APBB2: variants seen among roughly 807,000 people sequenced by gnomAD.
The protein encoded by APBB2 is Fe65-like 1.
A neutral mutation model predicts 82.5 loss-of-function variants in APBB2; 38 were observed. That is an observed-to-expected ratio of 0.46 (90% confidence interval 0.36 to 0.60). The LOEUF (loss-of-function observed/expected upper bound fraction) is 0.60, where lower values mean the gene tolerates loss of function less well. APBB2 is among the 20% of genes least tolerant of loss of function. The pLI is 0.00. For missense variants in APBB2, 772 were observed against 972.3 expected (o/e 0.79, Z 2.74); for synonymous variants, 341 against 368.2 (o/e 0.93, Z 0.85).
chr4:40,819,943 C>T (rs1039800380), intron 17 of APBB2, among the ~76,000 whole-genome samples: 4 of 152,216 alleles, frequency 2.6e-5, no homozygotes, highest in African/African-American at 9.7e-5. Context: ...TCCTCAGAAG[C>T]TGGGACTACA....
intron 2 of APBB2, among the ~76,000 whole-genome samples, chr4:41,120,105 T>C (rs943125867): frequency 2.0e-5 from 3 of 152,292 alleles, no homozygotes; most frequent in African/African-American, 7.2e-5. Context: ...AATCCACGAC[T>C]AGTGACTCTG....
At chr4:41,097,661 C>T (rs1743976338) in intron 3 of APBB2, among the ~76,000 whole-genome samples, 1 of 152,108 alleles carries the variant, frequency 6.6e-6, no homozygotes, top group Admixed American at 6.6e-5. Flanking sequence ...ATTTTACTTC[C>T]TTTAAAACAA....
chr4:41,119,839 T>C (rs1752265549), intron 2 of APBB2, among the ~76,000 whole-genome samples: 1 of 152,218 alleles, frequency 6.6e-6, no homozygotes, highest in East Asian at 1.9e-4. Context: ...TGGCAGCAAC[T>C]GTGTTTTTTA....
Position 40,892,217 on chromosome 4 carries a change from C to A in APBB2, c.1401+1048G>T, listed in dbSNP as rs759571046. Among the ~76,000 whole-genome samples the A allele has an allele frequency of 4.1e-4, 63 of 152,152 alleles. 1 individual carries two copies. Among genetic ancestry groups the A allele is most frequent in the South Asian group, 6.2e-4 (3 of 4,830 alleles). ...CCACCTGCCTCGGCCTCCCAAAGTG[C>A]TGGGATTACAGGCATAAGCCACTAT... On this transcript the variant is annotated intron_variant, in intron 11 of 17. Coordinates refer to ENST00000508593, the MANE Select transcript of APBB2 (RefSeq NM_004307.2).
chr4:40,817,963 T>G (rs535662158), intron 17 of APBB2, among the ~76,000 whole-genome samples: 1 of 152,334 alleles, frequency 6.6e-6, no homozygotes, highest in African/African-American at 2.4e-5. Flanking sequence ...GAATTTCAAA[T>G]AGTAGTCACG....
intron 3 of APBB2, among the ~76,000 whole-genome samples, chr4:41,090,331 C>T (rs181183171): frequency 3.3e-5 from 5 of 152,284 alleles, no homozygotes; most frequent in East Asian, 1.9e-4. Flanking sequence ...AAGATTTTCT[C>T]GAAGGATGCT....
intron 4 of APBB2, among the ~76,000 whole-genome samples, chr4:41,044,108 A>G (rs1157676014): frequency 6.6e-6 from 1 of 152,242 alleles, no homozygotes; most frequent in Non-Finnish European, 1.5e-5. Flanking sequence ...GTTGGAAAAC[A>G]GTGACATTCC....
intron 6 of APBB2, among the ~76,000 whole-genome samples, chr4:40,974,589 T>C (rs1004398512): frequency 1.1e-4 from 16 of 152,238 alleles, no homozygotes; most frequent in Admixed American, 5.2e-4. Context: ...TATAGAATTA[T>C]AAGAAGGGAT....
chr4:40,915,391 T>C (rs1432239866), intron 10 of APBB2, among the ~76,000 whole-genome samples: 1 of 152,198 alleles, frequency 6.6e-6, no homozygotes, highest in Non-Finnish European at 1.5e-5. Flanking sequence ...GGAATGTACG[T>C]TACACAAAGG....
chr4:41,060,297 T>C (rs1729365579), intron 4 of APBB2, among the ~76,000 whole-genome samples: 2 of 152,266 alleles, frequency 1.3e-5, no homozygotes, highest in Admixed American at 6.5e-5. Flanking sequence ...CCATGTGTGT[T>C]GGAAAACAGG....
At chr4:40,978,256 T>C (rs538334986) in intron 6 of APBB2, among the ~76,000 whole-genome samples, 2 of 152,344 alleles carry the variant, frequency 1.3e-5, no homozygotes, top group South Asian at 4.1e-4. Flanking sequence ...CTAAGGACAT[T>C]TGGCTCCTAC....
intron 3 of APBB2, among the ~76,000 whole-genome samples, chr4:41,066,439 A>C (rs1731843351): frequency 6.6e-6 from 1 of 152,248 alleles, no homozygotes. Context: ...AAGATGAATA[A>C]GATACCATCT....
chr4:41,126,571 G>A (rs1433519833), intron 2 of APBB2, among the ~76,000 whole-genome samples: 1 of 152,178 alleles, frequency 6.6e-6, no homozygotes, highest in African/African-American at 2.4e-5. Context: ...AAAATAGCCT[G>A]GGCTGCCTGC....
intron 10 of APBB2, among the ~76,000 whole-genome samples, chr4:40,906,484 AAAAAG>A (rs1250307704): frequency 1.3e-3 from 180 of 141,632 alleles, no homozygotes; most frequent in Non-Finnish European, 2.2e-3. Context: ...AAAAAAAAAA[AAAAAG>A]AAAAGAAAAG....
Position 41,014,211 on chromosome 4 carries a change from T to TC in APBB2, c.206_207insG (p.Tyr70IlefsTer5). The TC allele has an allele frequency of 1.2e-6, 2 of 1,614,206 alleles. No individual in the cohort carries two copies. The highest frequency in any genetic ancestry group is 1.7e-6 in the Non-Finnish European group (2 of 1,180,038). ...CCGCCTGGATGTTAGTTAGTGCATA[T>TC]TTTTTCCTGCATTTGGGAGGTGTGC... is the stretch of plus-strand genomic sequence containing the variant. On this transcript the variant is annotated frameshift_variant, in exon 6 of 18. Coordinates refer to ENST00000508593, the MANE Select transcript of APBB2 (RefSeq NM_004307.2). LOFTEE classifies it high-confidence loss of function.
intron 12 of APBB2, among the ~76,000 whole-genome samples, chr4:40,846,892 G>A (rs1757834995): frequency 6.6e-6 from 1 of 151,954 alleles, no homozygotes. Flanking sequence ...AAGACTTTAA[G>A]CAAGAATTAA....
chr4:40,942,038 G>A (rs765688282), intron 7 of APBB2, among the ~76,000 whole-genome samples: 3 of 152,178 alleles, frequency 2.0e-5, no homozygotes, highest in Non-Finnish European at 4.4e-5. Flanking sequence ...GACAGGGTCT[G>A]CACATCAGCG....
chr4:41,013,460 G>T (rs554984262), intron 6 of APBB2, 123 bp downstream of exon 6: 5 of 916,934 alleles, frequency 5.5e-6, no homozygotes, highest in Non-Finnish European at 5.0e-6. Flanking sequence ...CAATTTTACC[G>T]CAAGAGGCTC....
chr4:41,107,996 A>C (rs1326875932), intron 2 of APBB2, among the ~76,000 whole-genome samples: 1 of 152,234 alleles, frequency 6.6e-6, no homozygotes, highest in African/African-American at 2.4e-5. Flanking sequence ...TTTATATATC[A>C]GATAATATTT....
Sources: allele counts gnomAD v4.1 joint callset (sites outside exome capture counted in the v4.1 genomes callset), GRCh38; gene constraint gnomAD v4.1.1; transcripts MANE v1.5; gene names NCBI Gene and HGNC (gene_info 2026-07-23, HGNC 2026-07-21).